SLC9A2: variants seen among roughly 807,000 people sequenced by gnomAD.
SLC9A2 encodes sodium/hydrogen exchanger 2.
SLC9A2 carries 42 observed loss-of-function variants against 71.7 expected under a neutral mutation model. That is an observed-to-expected ratio of 0.59 (90% CI 0.46 to 0.76). The LOEUF (loss-of-function observed/expected upper bound fraction) is 0.76, where lower values mean the gene tolerates loss of function less well. Among genes scored for constraint, SLC9A2 ranks in the 30% least tolerant of loss-of-function variants. The pLI, the probability that SLC9A2 is intolerant of heterozygous loss-of-function variation, is 0.00. For missense variants in SLC9A2, 829 were observed against 1,017.4 expected, an observed-to-expected ratio of 0.81 and a Z score of 2.52; for synonymous variants, 396 against 392.5, an observed-to-expected ratio of 1.01 and a Z score of -0.10.
chr2:102,620,916 A>T (rs1676122933), intron 1 of SLC9A2, among the ~76,000 whole-genome samples: 1 of 152,150 alleles, frequency 6.6e-6, no homozygotes, highest in African/African-American at 2.4e-5. Flanking sequence ...CACGCCTGTA[A>T]TCCCAGCACT....
chr2:102,655,098 C>T (rs1676911906), intron 1 of SLC9A2, among the ~76,000 whole-genome samples: 1 of 152,126 alleles, frequency 6.6e-6, no homozygotes, highest in African/African-American at 2.4e-5. Flanking sequence ...GTACATTAGT[C>T]TATGCTAAAT....
At chr2:102,693,568 G>A (rs1016993835) in intron 5 of SLC9A2, among the ~76,000 whole-genome samples, 13 of 152,070 alleles carry the variant, frequency 8.5e-5, no homozygotes, top group East Asian at 1.9e-4. Context: ...ACTCATGAAC[G>A]TGCCCAGACT....
At chr2:102,687,753 A>G (rs148007679) in intron 5 of SLC9A2, among the ~76,000 whole-genome samples, 3 of 151,760 alleles carry the variant, frequency 2.0e-5, no homozygotes, top group African/African-American at 7.3e-5. Flanking sequence ...GCACACTATC[A>G]TGTTGTCAGA....
rs558189861 is a variant in SLC9A2 at position 102,658,120 on chromosome 2, C to A, written c.753+93C>A. 66 of 932,746 alleles carry A rather than the reference C, an allele frequency of 7.1e-5. No individual in the cohort carries two copies. In the South Asian group the frequency reaches 1.0e-3, roughly 15 times the overall value. The allele number at this position is 932,746 out of a possible 1,614,324, so 57.8% of individuals were successfully genotyped here. On this transcript the variant is annotated intron_variant, in intron 2 of 11. Transcript: ENST00000233969. ...GCACCTCAACTGGCAGGGGCGAGAC[C>A]CTGCACACAGGGTGGTTTCATGAGC... is the stretch of plus-strand genomic sequence containing the variant.
At chr2:102,689,629 C>G (rs1573429681) in intron 5 of SLC9A2, 1 of 152,086 alleles carries the variant, frequency 6.6e-6, no homozygotes, top group East Asian at 1.9e-4. Flanking sequence ...AGGTGGGGTT[C>G]CATAGAATTT....
At chr2:102,628,862 T>C (rs1228459194) in intron 1 of SLC9A2, among the ~76,000 whole-genome samples, 1 of 152,152 alleles carries the variant, frequency 6.6e-6, no homozygotes, top group Admixed American at 6.5e-5. Context: ...TTTTATTTTA[T>C]TGACATTTTA....
chr2:102,657,495 G>A (rs2104519826), intron 1 of SLC9A2, 69 bp from the exon 2 acceptor site: 1 of 1,050,768 alleles, frequency 9.5e-7, no homozygotes. Flanking sequence ...TCTATCAAAG[G>A]GAACCAATTT....
rs148965106 is a variant in SLC9A2 at position 102,623,798 on chromosome 2, AG to A, written c.289+3662del. On this transcript the variant is annotated intron_variant, in intron 1 of 11. Transcript: ENST00000233969. ...TCAGAGAACATGGAGAAACATTGCTAGTGATTAATCTAAACGTGGTTAAATT... is the reference window on the plus strand; with the variant it reads ...TCAGAGAACATGGAGAAACATTGCTATGATTAATCTAAACGTGGTTAAATT... 2.0e-3 allele frequency among the ~76,000 whole-genome samples: 304 copies of A among 152,316 alleles called. 1 individual carries two copies. Among genetic ancestry groups the A allele is most frequent in the African/African-American group, 7.1e-3 (295 of 41,564 alleles).
chr2:102,628,916 A>T (rs187889336), intron 1 of SLC9A2, among the ~76,000 whole-genome samples: 11 of 151,984 alleles, frequency 7.2e-5, no homozygotes, highest in Non-Finnish European at 1.5e-4. Context: ...TTTAGTGTTG[A>T]TTGTGATATC....
rs753632082 is a variant in SLC9A2, at chr2:102,701,240, G to C, written c.1748+9G>C. On this transcript the variant is annotated intron_variant, in intron 8 of 11. Coordinates refer to ENST00000233969, the MANE Select transcript of SLC9A2 (RefSeq NM_003048.6). ...ACATTTGCATCTCTAAAGTAAGTATGGTCTTGCAAATAAAAGTTAGTATTG... is the reference window on the plus strand; with the variant it reads ...ACATTTGCATCTCTAAAGTAAGTATCGTCTTGCAAATAAAAGTTAGTATTG... 9.5e-6 allele frequency: 15 copies of C among 1,575,476 alleles called. 1 individual carries two copies. In the East Asian group the frequency reaches 2.0e-4, roughly 21 times the overall value.
At chr2:102,696,222 CT>C (rs372723041) in intron 7 of SLC9A2, among the ~76,000 whole-genome samples, 4 of 151,934 alleles carry the variant, frequency 2.6e-5, no homozygotes, top group South Asian at 4.2e-4. Flanking sequence ...AATCAAGGCC[CT>C]TTTTTTTCAT....
intron 1 of SLC9A2, among the ~76,000 whole-genome samples, chr2:102,626,269 A>G (rs184868641): frequency 4.5e-4 from 69 of 152,324 alleles, no homozygotes; most frequent in African/African-American, 7.2e-4. Flanking sequence ...ATAATACCAC[A>G]TATCTACAAC....
intron 3 of SLC9A2, among the ~76,000 whole-genome samples, chr2:102,665,773 TAAAAA>T (rs11426516): frequency 0.03 from 1,169 of 38,730 alleles, 28 homozygotes; most frequent in African/African-American, 0.08. Flanking sequence ...GACTCTGTCT[TAAAAA>T]AAAAAAAAAA....
At chr2:102,664,525 G>T (rs1255398744) in intron 2 of SLC9A2, among the ~76,000 whole-genome samples, 4 of 151,826 alleles carry the variant, frequency 2.6e-5, no homozygotes. Context: ...TCCTTTGGGT[G>T]TGTCTCAGTT....
chr2:102,650,091 T>G (rs1335158620), intron 1 of SLC9A2, among the ~76,000 whole-genome samples: 1 of 152,088 alleles, frequency 6.6e-6, no homozygotes, highest in Non-Finnish European at 1.5e-5. Flanking sequence ...TCAACGAGAC[T>G]GGATAAAGAA....
At chr2:102,684,010 A>G in intron 4 of SLC9A2, 124 bp from the exon 5 acceptor site, 1 of 685,970 alleles carries the variant, frequency 1.5e-6, no homozygotes, top group Non-Finnish European at 2.5e-6. Context: ...GAAAAAGGGG[A>G]AAGACTTTGG....
intron 3 of SLC9A2, 101 bp from the exon 4 acceptor site, chr2:102,683,160 G>T: frequency 1.3e-6 from 1 of 777,308 alleles, no homozygotes; most frequent in South Asian, 1.6e-5. Context: ...TGTAGTCTTG[G>T]GCAGAAGAGT....
intron 1 of SLC9A2, among the ~76,000 whole-genome samples, chr2:102,628,652 A>G (rs551231045): frequency 2.0e-5 from 3 of 152,030 alleles, no homozygotes; most frequent in African/African-American, 7.2e-5. Flanking sequence ...TTTTATTCTG[A>G]CTCAATAATT....
At chr2:102,632,872 G>A (rs528709647) in intron 1 of SLC9A2, among the ~76,000 whole-genome samples, 1 of 152,306 alleles carries the variant, frequency 6.6e-6, no homozygotes, top group East Asian at 1.9e-4. Flanking sequence ...ATGGAAAGTT[G>A]TTTAGAAAAT....
Sources: gnomAD v4.1 joint callset for allele counts (sites outside exome capture counted in the v4.1 genomes callset) on GRCh38, gnomAD v4.1.1 for gene constraint, MANE v1.5 for transcripts, NCBI Gene and HGNC (gene_info 2026-07-23, HGNC 2026-07-21) for gene names.